TRPM1: variants seen among roughly 807,000 people sequenced by gnomAD.
TRPM1 encodes TRPM1-203 APA Isoform, Intron 10.
Under a neutral mutation model 149.4 loss-of-function variants are expected in TRPM1, and 113 were observed. That is an observed-to-expected ratio of 0.76 (90% CI 0.65 to 0.88). The LOEUF is 0.88. Ranked by LOEUF, TRPM1 falls within the 40% of genes least tolerant of loss-of-function variation. The pLI is 0.00. For missense variants in TRPM1, 1,976 were observed against 2,038.7 expected, an observed-to-expected ratio of 0.97 and a Z score of 0.59; for synonymous variants, 741 against 759.5, an observed-to-expected ratio of 0.98 and a Z score of 0.40.
At chr15:31,033,112 T>C in intron 21 of TRPM1, 172 bp from the exon 22 acceptor site, 1 of 838,514 alleles carries the variant, frequency 1.2e-6, no homozygotes, top group Admixed American at 2.2e-5. Context: ...GAAAGGGAAA[T>C]TCCACGGAAT....
intron 7 of TRPM1, 85 bp from the exon 8 acceptor site, chr15:31,063,377 G>T: frequency 6.5e-7 from 1 of 1,545,444 alleles, no homozygotes; most frequent in Non-Finnish European, 8.9e-7. Context: ...ATGGGGAAGA[G>T]TAAAAACATT....
intron 23 of TRPM1, among the ~76,000 whole-genome samples, chr15:31,030,203 C>A (rs375798856): frequency 2.6e-5 from 4 of 152,220 alleles, no homozygotes; most frequent in African/African-American, 9.6e-5. Flanking sequence ...TAAAAACTTT[C>A]TATTCCCAAA....
intron 9 of TRPM1, 32 bp downstream of exon 9, chr15:31,062,547 A>C: frequency 6.2e-7 from 1 of 1,613,414 alleles, no homozygotes; most frequent in Non-Finnish European, 8.5e-7. Context: ...CTCTCCACAG[A>C]GCTTGTTTGG....
Position 31,067,116 on chromosome 15 carries a change from C to A in TRPM1, c.565G>T (p.Gly189Ter), listed in dbSNP as rs757426973. The change falls in exon 6 of 28, where the codon GGA becomes TGA. Residue 189 changes from glycine to a stop codon, truncating the protein, a stop_gained. Transcript: ENST00000256552. LOFTEE classifies it high-confidence loss of function. ...SKSRGRVCAIGIAPWGIVENK... is the reference protein window; with the variant it reads ...SKSRGRVCAI ...TCCACGATGCCCCATGGAGCAATTC[C>A]TATAGCACAAACCCGGCCTCTGGAC... 1 of 1,614,140 alleles carries A rather than the reference C, an allele frequency of 6.2e-7. No individual in the cohort carries two copies. Among genetic ancestry groups the A allele is most frequent in the Non-Finnish European group, 8.5e-7 (1 of 1,180,002 alleles).
intron 1 of TRPM1, among the ~76,000 whole-genome samples, chr15:31,141,521 C>T (rs1425585279): frequency 6.6e-6 from 1 of 151,908 alleles, no homozygotes; most frequent in African/African-American, 2.4e-5. Flanking sequence ...CAGACAGAAA[C>T]CAGTAAGTAG....
intron 4 of TRPM1, chr15:31,069,610 C>T: frequency 7.7e-7 from 1 of 1,291,500 alleles, no homozygotes; most frequent in Non-Finnish European, 9.8e-7. Flanking sequence ...CTTCTCGGGC[C>T]AGCTGAGCGC....
chr15:31,087,545 T>C lies in TRPM1; in HGVS notation c.-83-6107A>G, dbSNP rs575990543. Among the ~76,000 whole-genome samples the C allele has an allele frequency of 9.2e-5, 14 of 152,178 alleles. No individual in the cohort carries two copies. The South Asian group carries it at 1.7e-3, about 18-fold the overall frequency. On this transcript the variant is annotated intron_variant, in intron 1 of 27. Coordinates refer to ENST00000256552, the MANE Select transcript of TRPM1 (RefSeq NM_001252024.2). ...CTGGGATTGCAGGAGTGAGCCACCA[T>C]GCCCGGCCTCAATAGGGACTTTTAC...
chr15:31,003,616 A>C (rs1356290675), intron 27 of TRPM1, among the ~76,000 whole-genome samples: 2 of 152,232 alleles, frequency 1.3e-5, no homozygotes, highest in Non-Finnish European at 1.5e-5. Flanking sequence ...GGCTGTCAGC[A>C]GTGAATGGTT....
At chr15:31,144,688 G>C (rs1243070809) in intron 1 of TRPM1, among the ~76,000 whole-genome samples, 1 of 150,262 alleles carries the variant, frequency 6.7e-6, no homozygotes, top group African/African-American at 2.5e-5. Flanking sequence ...TTATAAAACT[G>C]TGGCCCTTTT....
At position 31,091,701 on chromosome 15, in the gene TRPM1, T is replaced by C. The variant is rs528564520; in HGVS notation, c.-84+9956A>G. On this transcript the variant is annotated intron_variant, in intron 1 of 27. Coordinates refer to ENST00000256552, the MANE Select transcript of TRPM1 (RefSeq NM_001252024.2). ...CATGTGCGCTGTGTTCCTCTGGGGC[T>C]GTCCTGACCCAGTGTGGTCTGTGGT... 7.5e-4 allele frequency among the ~76,000 whole-genome samples: 114 copies of C among 152,302 alleles called. 1 individual carries two copies. Among genetic ancestry groups the C allele is most frequent in the Non-Finnish European group, 1.4e-3 (92 of 68,026 alleles).
intron 1 of TRPM1, among the ~76,000 whole-genome samples, chr15:31,096,676 G>T (rs1278334361): frequency 1.3e-5 from 2 of 152,234 alleles, no homozygotes; most frequent in Admixed American, 6.5e-5. Flanking sequence ...GAGGCTCAGG[G>T]CCAGCCTCTT....
rs1206844162 is a variant in TRPM1, at chr15:31,026,269, G to C, written c.3499C>G (p.Leu1167Val). 1.2e-6 allele frequency: 2 copies of C among 1,610,198 alleles called. No homozygotes were observed. Among genetic ancestry groups the C allele is most frequent in the Non-Finnish European group, 1.7e-6 (2 of 1,180,018 alleles). ...TTTAGCTCCTCGTCGCTAAGGAAGA[G>C]CTCTGTGTGAAGGGAGAAGTGTCGG... Reference protein sequence around the residue: ...DQEERDRGLKLFLSDEELKRL... With the variant: ...DQEERDRGLKVFLSDEELKRL... The change falls in exon 27 of 28, where the codon CTC becomes GTC. Residue 1167 changes from leucine to valine, a missense_variant and splice_region_variant. Leu to Val is a conservative substitution (Grantham distance 32, BLOSUM62 1). This residue lies in a region of TRPM1 where 572 missense variants were observed against 578.9 expected (regional missense o/e 0.99). Transcript: ENST00000256552.
chr15:31,077,045 A>C, intron 2 of TRPM1, 61 bp from the exon 3 acceptor site: 1 of 1,119,624 alleles, frequency 8.9e-7, no homozygotes, highest in Non-Finnish European at 1.4e-6. Flanking sequence ...ATCAGAGTCC[A>C]TTCTTATACC....
In TRPM1 at chr15:31,060,534, A is replaced by C; in HGVS notation, c.1263+10T>G. ...GATCAATGATATGAATCGAAAAAAA[A>C]CAGTTTCACCGGCCAGTGGGGCCCA... is the stretch of plus-strand genomic sequence containing the variant. On this transcript the variant is annotated intron_variant, in intron 11 of 27. Coordinates refer to ENST00000256552, the MANE Select transcript of TRPM1 (RefSeq NM_001252024.2). 1.9e-6 allele frequency: 3 copies of C among 1,612,760 alleles called. No homozygotes were observed. The highest frequency in any genetic ancestry group is 1.1e-5 in the South Asian group (1 of 90,998).
intron 1 of TRPM1, among the ~76,000 whole-genome samples, chr15:31,119,664 A>C (rs1183015216): frequency 1.3e-5 from 2 of 150,708 alleles, no homozygotes; most frequent in Non-Finnish European, 3.0e-5. Context: ...TAATAACAAC[A>C]ATGTATTTGG....
chr15:31,135,726 C>CA (rs1328344957), intron 1 of TRPM1, among the ~76,000 whole-genome samples: 1 of 152,058 alleles, frequency 6.6e-6, no homozygotes, highest in Admixed American at 6.6e-5. Flanking sequence ...GTTTCTACAA[C>CA]AGCGTATTGT....
intron 1 of TRPM1, among the ~76,000 whole-genome samples, chr15:31,137,188 A>T (rs1437115677): frequency 6.6e-6 from 1 of 152,234 alleles, no homozygotes; most frequent in Non-Finnish European, 1.5e-5. Flanking sequence ...AAGGTAACTG[A>T]TAACAGTGGC....
intron 18 of TRPM1, among the ~76,000 whole-genome samples, chr15:31,038,954 C>T (rs148101086): frequency 2.1e-4 from 32 of 150,480 alleles, no homozygotes; most frequent in Admixed American, 1.5e-3. Flanking sequence ...AAAGGATGCC[C>T]GGATGCCCAG....
At chr15:31,124,589 G>A (rs951524753) in intron 1 of TRPM1, among the ~76,000 whole-genome samples, 1 of 149,900 alleles carries the variant, frequency 6.7e-6, no homozygotes, top group Non-Finnish European at 1.5e-5. Context: ...GGGAGGCGGA[G>A]GTTGCAGTGA....
Sources: gnomAD v4.1 joint callset for allele counts (sites outside exome capture counted in the v4.1 genomes callset) on GRCh38, gnomAD v4.1.1 for gene constraint, gnomAD v4.1.1 regional missense constraint, MANE v1.5 for transcripts, NCBI Gene and HGNC (gene_info 2026-07-23, HGNC 2026-07-21) for gene names.